Variants in LHCGR observed in about 807,000 individuals in gnomAD.
The protein encoded by LHCGR is luteinizing hormone/choriogonadotropin receptor.
Under a neutral mutation model 60.7 loss-of-function variants are expected in LHCGR, and 55 were observed. That is an observed-to-expected ratio of 0.91 (90% CI 0.73 to 1.13). LHCGR has a LOEUF of 1.13. Among genes scored for constraint, LHCGR ranks in the 50% most tolerant of loss-of-function variants. The pLI is 0.00. For synonymous variants in LHCGR, 337 were observed against 316.5 expected, an observed-to-expected ratio of 1.06 and a Z score of -0.69; for missense variants, 862 against 836.0, an observed-to-expected ratio of 1.03 and a Z score of -0.38.
Position 48,729,245 on chromosome 2 carries a change from G to C in LHCGR, c.234-18C>G. The C allele has an allele frequency of 6.4e-7, 1 of 1,560,336 alleles. No homozygotes were observed. Among genetic ancestry groups the C allele is most frequent in the Non-Finnish European group, 8.8e-7 (1 of 1,135,286 alleles). ...AGATTTCACTAGGGAAGAGAGGAGG[G>C]GGAAAAAGAGAAAGAAACATGAAAG... On this transcript the variant is annotated intron_variant, in intron 2 of 10. Transcript: ENST00000294954.
Position 48,707,007 on chromosome 2 carries a change from G to C in LHCGR, c.680+1941C>G, listed in dbSNP as rs549371663. 5.1e-4 allele frequency among the ~76,000 whole-genome samples: 78 copies of C among 152,280 alleles called. 1 individual carries two copies. Among genetic ancestry groups the C allele is most frequent in the Non-Finnish European group, 9.6e-4 (65 of 68,026 alleles). ...TGGAATTTTCAGCCTTTCTGCTCTG[G>C]TTTCTCCCCATCTTTGTGGTTTTAT... On this transcript the variant is annotated intron_variant, in intron 8 of 10. Coordinates refer to ENST00000294954, the MANE Select transcript of LHCGR (RefSeq NM_000233.4).
chr2:48,703,696 A>T lies in LHCGR; in HGVS notation c.681-4896T>A, dbSNP rs532781670. Among the ~76,000 whole-genome samples, 5 of 152,190 alleles carry T rather than the reference A, an allele frequency of 3.3e-5. No individual in the cohort carries two copies. In the East Asian group the frequency reaches 9.7e-4, roughly 29 times the overall value. ...TGATTTGGCTCTCCGTTAATTTCTT[A>T]TTGGTGAATAGGAATGCTTGCGATT... On this transcript the variant is annotated intron_variant, in intron 8 of 10. Transcript: ENST00000294954.
chr2:48,750,812 C>T (rs1669923937), intron 1 of LHCGR, among the ~76,000 whole-genome samples: 2 of 152,198 alleles, frequency 1.3e-5, no homozygotes, highest in African/African-American at 4.8e-5. Flanking sequence ...GAATTTCCCC[C>T]TGCCCCCTCC....
intron 6 of LHCGR, among the ~76,000 whole-genome samples, chr2:48,714,338 A>T (rs180802531): frequency 5.0e-4 from 76 of 152,306 alleles, no homozygotes; most frequent in African/African-American, 1.8e-3. Flanking sequence ...CTTAATGTCA[A>T]AGGAAAACAG....
At chr2:48,724,907 C>CT (rs1668652650) in intron 4 of LHCGR, among the ~76,000 whole-genome samples, 1 of 151,988 alleles carries the variant, frequency 6.6e-6, no homozygotes, top group East Asian at 1.9e-4. Flanking sequence ...CTCTGTTTTC[C>CT]TTTTTTTGGG....
intron 1 of LHCGR, among the ~76,000 whole-genome samples, chr2:48,754,615 T>G (rs969974479): frequency 6.8e-6 from 1 of 147,326 alleles, no homozygotes; most frequent in African/African-American, 2.5e-5. Flanking sequence ...CCCAAGCCCA[T>G]ACCCACTGAT....
intron 9 of LHCGR, among the ~76,000 whole-genome samples, chr2:48,698,114 C>G (rs1210786458): frequency 2.0e-5 from 3 of 152,196 alleles, no homozygotes; most frequent in African/African-American, 7.2e-5. Context: ...TGTTCCCATG[C>G]TAAGCTTATC....
chr2:48,700,816 GTAAACAGA>G (rs1558823057), intron 8 of LHCGR, among the ~76,000 whole-genome samples: 11 of 152,230 alleles, frequency 7.2e-5, no homozygotes, highest in Non-Finnish European at 1.6e-4. Flanking sequence ...GAAGTCATAA[GTAAACAGA>G]AGTTATGGGG....
At chr2:48,710,612 C>T (rs1371990032) in intron 7 of LHCGR, among the ~76,000 whole-genome samples, 1 of 152,158 alleles carries the variant, frequency 6.6e-6, no homozygotes, top group African/African-American at 2.4e-5. Flanking sequence ...GCAGGATGAC[C>T]TTTTGAAGCA....
At chr2:48,738,581 T>A (rs1015950677) in intron 1 of LHCGR, among the ~76,000 whole-genome samples, 3 of 152,188 alleles carry the variant, frequency 2.0e-5, no homozygotes, top group Admixed American at 1.3e-4. Flanking sequence ...AGGCTCAATC[T>A]TTATTCACCA....
intron 2 of LHCGR, 91 bp from the exon 3 acceptor site, chr2:48,729,318 C>A: frequency 1.1e-6 from 1 of 945,168 alleles, no homozygotes; most frequent in Non-Finnish European, 1.7e-6. Context: ...GACCCAACAA[C>A]TGGGGACACC....
chr2:48,752,986 G>GGGGGGGGGGGGGT (rs1670039044), intron 1 of LHCGR, among the ~76,000 whole-genome samples: 1 of 63,854 alleles, frequency 1.6e-5, no homozygotes, highest in African/African-American at 6.2e-5. Flanking sequence ...TTTGGCGGGG[G>GGGGGGGGGGGGGT]GGGGGGGGGG....
chr2:48,718,631 A>G (rs1054088942), intron 6 of LHCGR, among the ~76,000 whole-genome samples: 31 of 152,290 alleles, frequency 2.0e-4, no homozygotes, highest in African/African-American at 7.5e-4. Context: ...TCAAATGACT[A>G]TACAAACAGA....
intron 1 of LHCGR, among the ~76,000 whole-genome samples, chr2:48,741,315 C>A (rs1669441322): frequency 6.6e-6 from 1 of 152,184 alleles, no homozygotes; most frequent in Admixed American, 6.5e-5. Flanking sequence ...GGCAGGCCAA[C>A]ATTCAGATTC....
intron 3 of LHCGR, among the ~76,000 whole-genome samples, chr2:48,728,484 T>A (rs1456815179): frequency 6.6e-6 from 1 of 152,132 alleles, no homozygotes; most frequent in Non-Finnish European, 1.5e-5. Context: ...GGTGTAGAAG[T>A]CACATGCATT....
At chr2:48,751,335 C>G (rs79432636) in intron 1 of LHCGR, among the ~76,000 whole-genome samples, 4,310 of 152,238 alleles carry the variant, frequency 0.028, 149 homozygotes, top group African/African-American at 0.082. Context: ...TATTTCCCCC[C>G]CAGCCTGGGA....
intron 4 of LHCGR, among the ~76,000 whole-genome samples, chr2:48,724,661 G>T (rs1668641819): frequency 6.6e-6 from 1 of 152,186 alleles, no homozygotes; most frequent in African/African-American, 2.4e-5. Flanking sequence ...ATAATAAGAG[G>T]CTGCAGTGGT....
intron 8 of LHCGR, among the ~76,000 whole-genome samples, chr2:48,703,536 A>G (rs1284870443): frequency 6.6e-6 from 1 of 151,782 alleles, no homozygotes; most frequent in East Asian, 1.9e-4. Flanking sequence ...GGGGAATGCC[A>G]TTTGTTTGTG....
At chr2:48,695,003 A>T (rs1035594867) in intron 9 of LHCGR, among the ~76,000 whole-genome samples, 2 of 152,026 alleles carry the variant, frequency 1.3e-5, no homozygotes, top group Non-Finnish European at 2.9e-5. Flanking sequence ...TGTTTTTCTC[A>T]TTGTGGTTTT....
Sources: allele counts gnomAD v4.1 joint callset (sites outside exome capture counted in the v4.1 genomes callset), GRCh38; gene constraint gnomAD v4.1.1; transcripts MANE v1.5; gene names NCBI Gene and HGNC (gene_info 2026-07-23, HGNC 2026-07-21).